UBXN2B: variants seen among roughly 807,000 people sequenced by gnomAD.
UBXN2B encodes the protein UBX domain-containing protein 2B.
A neutral mutation model predicts 37.5 loss-of-function variants in UBXN2B; 19 were observed. That is an observed-to-expected ratio of 0.51 (90% CI 0.35 to 0.74). The LOEUF is 0.74. Ranked by LOEUF, UBXN2B falls within the 30% of genes least tolerant of loss-of-function variation. The probability of loss-of-function intolerance (pLI) is 0.01; values close to 1 mark genes in which losing one functional copy is unlikely to be tolerated. For synonymous variants in UBXN2B, 145 were observed against 143.8 expected, an observed-to-expected ratio of 1.01 and a Z score of -0.06; for missense variants, 370 against 393.2, an observed-to-expected ratio of 0.94 and a Z score of 0.50.
chr8:58,430,977 A>G (rs1006826780), intron 3 of UBXN2B, among the ~76,000 whole-genome samples: 4 of 152,164 alleles, frequency 2.6e-5, no homozygotes, highest in East Asian at 1.9e-4. Flanking sequence ...GTTCCCCCCA[A>G]TGGTTACGTT....
chr8:58,443,835 A>G (rs1190714945), intron 6 of UBXN2B, among the ~76,000 whole-genome samples: 1 of 152,096 alleles, frequency 6.6e-6, no homozygotes, highest in Non-Finnish European at 1.5e-5. Flanking sequence ...AAATAAATTA[A>G]TTAACATAAC....
chr8:58,434,369 A>T (rs201309347), intron 4 of UBXN2B, 26 bp from the exon 5 acceptor site: 19,671 of 304,184 alleles, frequency 0.065, 547 homozygotes, highest in East Asian at 0.17. Flanking sequence ...ATATATATAT[A>T]TTTTTTTTTT....
chr8:58,433,373 C>T (rs887705987), intron 4 of UBXN2B, 130 bp downstream of exon 4: 3 of 652,012 alleles, frequency 4.6e-6, no homozygotes, highest in African/African-American at 1.9e-5. Flanking sequence ...TTAAAAGGAC[C>T]AATGATGTGT....
chr8:58,445,285 A>T (rs972707712), intron 6 of UBXN2B, among the ~76,000 whole-genome samples: 2 of 152,208 alleles, frequency 1.3e-5, no homozygotes, highest in African/African-American at 4.8e-5. Flanking sequence ...ATTTATTGTC[A>T]TGTAATAACA....
rs33952664 is a variant in UBXN2B at position 58,441,348 on chromosome 8, C to CATATATATATATATATATATATATAT, written c.671+1598_671+1599insATATATATATATATATATATATATAT. Among the ~76,000 whole-genome samples, 706 of 104,084 alleles carry CATATATATATATATATATATATATAT rather than the reference C, an allele frequency of 6.8e-3. 14 individuals are homozygous for CATATATATATATATATATATATATAT. Among genetic ancestry groups the CATATATATATATATATATATATATAT allele is most frequent in the African/African-American group, 0.014 (344 of 24,712 alleles). The allele number at this position is 104,084 out of a possible 152,430, so 68.3% of individuals were successfully genotyped here. A position where few individuals can be genotyped will look rare whatever the true frequency, so the allele number is the denominator to read the frequency against. Reference sequence around the variant, plus strand: ...TTTTTACTCCTCTTGTTGTGATCAACATATATATATATATATATATGTATG... The same window carrying CATATATATATATATATATATATATAT: ...TTTTTACTCCTCTTGTTGTGATCAACATATATATATATATATATATATATATATATATATATATATATATATGTATG... On this transcript the variant is annotated intron_variant, in intron 6 of 7. Transcript: ENST00000399598.
At position 58,449,851 on chromosome 8, in the gene UBXN2B, G is replaced by A. The variant is rs889925091; in HGVS notation, c.*2300G>A. On this transcript the variant is annotated 3_prime_UTR_variant, in exon 8 of 8. Coordinates refer to ENST00000399598, the MANE Select transcript of UBXN2B (RefSeq NM_001077619.2). ...TCTTTTATATTCTCTAAAGCTTTCT[G>A]TTAAAAATGGTGGTGCTTCTGCTGC... The A allele has an allele frequency of 1.3e-5, 2 of 152,178 alleles. No individual in the cohort carries two copies. Among genetic ancestry groups the A allele is most frequent in the African/African-American group, 4.8e-5 (2 of 41,426 alleles). The allele number at this position is 152,178 out of a possible 1,614,324, so 9.4% of individuals were successfully genotyped here.
In UBXN2B at chr8:58,448,224, A is replaced by C. The variant is rs1391491083; in HGVS notation, c.*673A>C. ...GTTTTGCTCTTGTTGCCCAGGCTGG[A>C]GTGCAATGGCATAATTTCTGCTCAC... On this transcript the variant is annotated 3_prime_UTR_variant, in exon 8 of 8. Coordinates refer to ENST00000399598, the MANE Select transcript of UBXN2B (RefSeq NM_001077619.2). 4.2e-5 allele frequency: 6 copies of C among 142,264 alleles called. No homozygotes were observed. The highest frequency in any genetic ancestry group is 7.5e-5 in the Non-Finnish European group (5 of 66,596). 8.8% of individuals were successfully genotyped at this position (142,264 alleles called of 1,614,324 possible).
intron 1 of UBXN2B, 33 bp downstream of exon 1, chr8:58,411,502 G>C: frequency 8.0e-7 from 1 of 1,245,806 alleles, no homozygotes; most frequent in Non-Finnish European, 1.0e-6. Flanking sequence ...GGAGCGCGGC[G>C]GTGGACGCGG....
intron 5 of UBXN2B, among the ~76,000 whole-genome samples, chr8:58,435,789 A>G (rs1244614528): frequency 6.6e-6 from 1 of 152,220 alleles, no homozygotes; most frequent in Non-Finnish European, 1.5e-5. Flanking sequence ...ATCTGCAATA[A>G]TGTACAAATT....
intron 3 of UBXN2B, among the ~76,000 whole-genome samples, chr8:58,432,598 G>A (rs1182258433): frequency 6.6e-6 from 1 of 151,898 alleles, no homozygotes. Context: ...TAGCCAGGGT[G>A]GTCTCGATCT....
chr8:58,439,898 G>A, intron 6 of UBXN2B, 128 bp downstream of exon 6: 1 of 718,790 alleles, frequency 1.4e-6, no homozygotes, highest in Non-Finnish European at 2.1e-6. Flanking sequence ...ATATACATCT[G>A]TTAATATTAT....
At chr8:58,436,717 G>C (rs1808421192) in intron 5 of UBXN2B, among the ~76,000 whole-genome samples, 1 of 152,120 alleles carries the variant, frequency 6.6e-6, no homozygotes, top group Non-Finnish European at 1.5e-5. Context: ...TTGTTTAAAA[G>C]AGCCTGGAAC....
intron 2 of UBXN2B, chr8:58,426,270 G>T (rs866647463): frequency 3.4e-5 from 17 of 498,188 alleles, no homozygotes; most frequent in South Asian, 1.4e-4. Context: ...GCAGTGGCAT[G>T]ATCTCGGCTC....
At chr8:58,421,602 C>T (rs1807925843) in intron 2 of UBXN2B, among the ~76,000 whole-genome samples, 1 of 152,044 alleles carries the variant, frequency 6.6e-6, no homozygotes, top group East Asian at 1.9e-4. Flanking sequence ...TCATTACTGG[C>T]CCTGGGCTCT....
At chr8:58,436,909 A>T (rs1307742721) in intron 5 of UBXN2B, among the ~76,000 whole-genome samples, 1 of 152,190 alleles carries the variant, frequency 6.6e-6, no homozygotes, top group Non-Finnish European at 1.5e-5. Flanking sequence ...ACCCAGCCTC[A>T]AGTATTCCTT....
intron 2 of UBXN2B, among the ~76,000 whole-genome samples, chr8:58,424,230 GAAAA>G (rs76910939): frequency 1.2e-5 from 1 of 85,984 alleles, no homozygotes; most frequent in Non-Finnish European, 2.5e-5. Context: ...GTTATAAAAA[GAAAA>G]AAAAAAAAAA....
intron 2 of UBXN2B, among the ~76,000 whole-genome samples, chr8:58,421,893 A>G (rs1012475736): frequency 7.2e-5 from 11 of 152,192 alleles, no homozygotes; most frequent in African/African-American, 2.4e-4. Context: ...ATAACAAACA[A>G]AGCTAGCCAA....
Position 58,411,399 on chromosome 8 carries a change from G to C in UBXN2B, c.14G>C (p.Gly5Ala). The C allele has an allele frequency of 7.9e-7, 1 of 1,269,568 alleles. No homozygotes were observed. Among genetic ancestry groups the C allele is most frequent in the Non-Finnish European group, 1.0e-6 (1 of 1,003,168 alleles). The allele number at this position is 1,269,568 out of a possible 1,614,324, so 78.6% of individuals were successfully genotyped here. ...AGCCAGCGGAAGATGGCGGAGGGCG[G>C]AGGCCCTGAGCCCGGCGAGCAGGAG... Reference protein sequence around the residue: MAEGGGPEPGEQERR... With the variant: MAEGAGPEPGEQERR... Residue 5 changes from glycine (G) to alanine (A), a missense_variant, in exon 1 of 8, where the codon GGA (glycine) becomes GCA (alanine). Physicochemically the swap from Gly to Ala is moderately conservative, Grantham distance 60 (BLOSUM62 0). Around this residue, in one of 3 missense-constraint regions of UBXN2B, gnomAD observed 197 missense variants for 170.2 expected, o/e 1.16. Coordinates refer to ENST00000399598, the MANE Select transcript of UBXN2B (RefSeq NM_001077619.2).
Position 58,430,120 on chromosome 8 carries a change from A to T in UBXN2B, c.189-399A>T, listed in dbSNP as rs372489627. Among the ~76,000 whole-genome samples the T allele has an allele frequency of 6.6e-4, 100 of 152,302 alleles. 1 individual carries two copies. Among genetic ancestry groups the T allele is most frequent in the African/African-American group, 2.1e-3 (88 of 41,582 alleles). On this transcript the variant is annotated intron_variant, in intron 2 of 7. Transcript: ENST00000399598. ...TCTAAATCTAAAGATCTCGTCACTA[A>T]CTAGGTCTCTACTGAGTGTGGCCTT...
Sources: gnomAD v4.1 joint callset for allele counts (sites outside exome capture counted in the v4.1 genomes callset) on GRCh38, gnomAD v4.1.1 for gene constraint, gnomAD v4.1.1 regional missense constraint, MANE v1.5 for transcripts, NCBI Gene and HGNC (gene_info 2026-07-23, HGNC 2026-07-21) for gene names.